Variants in LRFN2 observed in about 807,000 individuals in gnomAD.
LRFN2 encodes leucine rich repeat and fibronectin type III domain containing 2.
In LRFN2, 18 loss-of-function variants were observed where a neutral mutation model predicts 37.3. The ratio of observed to expected loss-of-function variants is 0.48; its 90% CI spans 0.33 to 0.72. The LOEUF (loss-of-function observed/expected upper bound fraction) is 0.72. Among genes scored for constraint, LRFN2 ranks in the 30% least tolerant of loss-of-function variants. The pLI, the probability that LRFN2 is intolerant of heterozygous loss-of-function variation, is 0.02. For missense variants in LRFN2, 1,006 were observed against 1,060.7 expected (o/e 0.95, Z 0.72); for synonymous variants, 556 against 466.6 (o/e 1.19, Z -2.47).
intron 1 of LRFN2, among the ~76,000 whole-genome samples, chr6:40,474,499 T>C (rs1469016316): frequency 6.6e-6 from 1 of 152,210 alleles, no homozygotes; most frequent in African/African-American, 2.4e-5. Flanking sequence ...TGTTTTGTTT[T>C]GTTTTTTTGA....
At chr6:40,530,034 T>C (rs879685308) in intron 1 of LRFN2, among the ~76,000 whole-genome samples, 1 of 152,214 alleles carries the variant, frequency 6.6e-6, no homozygotes, top group Admixed American at 6.5e-5. Flanking sequence ...TGGGTGAATG[T>C]GTTAGGTAAC....
chr6:40,556,742 C>T (rs1766895292), intron 1 of LRFN2, among the ~76,000 whole-genome samples: 1 of 148,420 alleles, frequency 6.7e-6, no homozygotes, highest in African/African-American at 2.5e-5. Context: ...CACACACACA[C>T]ACACACACAC....
chr6:40,503,959 C>CAAA (rs200287327), intron 1 of LRFN2, among the ~76,000 whole-genome samples: 4 of 118,290 alleles, frequency 3.4e-5, no homozygotes, highest in East Asian at 2.4e-4. Flanking sequence ...GGAATGGAGG[C>CAAA]AAAAAAAAAA....
At position 40,437,479 on chromosome 6, in the gene LRFN2, A is replaced by T. The variant is rs1464706821; in HGVS notation, c.-18-4348T>A. ...CAGTTGTGTCCTTGTAAATTATGTTAAACAAACCACAGTTTGAAAAAAGTT... is the reference window on the plus strand; with the variant it reads ...CAGTTGTGTCCTTGTAAATTATGTTTAACAAACCACAGTTTGAAAAAAGTT... On this transcript the variant is annotated intron_variant, in intron 1 of 2. Coordinates refer to ENST00000338305, the MANE Select transcript of LRFN2 (RefSeq NM_020737.3). Among the ~76,000 whole-genome samples the T allele has an allele frequency of 2.0e-5, 3 of 152,224 alleles. No individual in the cohort carries two copies. In the East Asian group the frequency reaches 5.8e-4, roughly 29 times the overall value.
intron 1 of LRFN2, among the ~76,000 whole-genome samples, chr6:40,543,709 G>T (rs1471180398): frequency 6.6e-6 from 1 of 152,228 alleles, no homozygotes; most frequent in Non-Finnish European, 1.5e-5. Flanking sequence ...TGCAGGCACT[G>T]GGGGCTTCCC....
chr6:40,550,286 G>A (rs1180848008), intron 1 of LRFN2, among the ~76,000 whole-genome samples: 1 of 152,168 alleles, frequency 6.6e-6, no homozygotes, highest in Non-Finnish European at 1.5e-5. Context: ...TCAGACTTAA[G>A]ACTGACTCAG....
chr6:40,422,000 G>A (rs990515681), intron 2 of LRFN2, among the ~76,000 whole-genome samples: 12 of 152,098 alleles, frequency 7.9e-5, no homozygotes, highest in African/African-American at 1.4e-4. Context: ...AAAGAGAAGG[G>A]AGATCTCAAG....
intron 2 of LRFN2, among the ~76,000 whole-genome samples, chr6:40,431,041 T>G (rs1371650592): frequency 6.6e-6 from 1 of 152,068 alleles, no homozygotes; most frequent in East Asian, 1.9e-4. Flanking sequence ...CAGCTGAACC[T>G]GAAGCAGGTT....
chr6:40,576,896 C>T (rs1363781780), intron 1 of LRFN2, among the ~76,000 whole-genome samples: 1 of 151,752 alleles, frequency 6.6e-6, no homozygotes, highest in Non-Finnish European at 1.5e-5. Flanking sequence ...TCCCATAGTC[C>T]CACACCAACC....
chr6:40,414,650 A>G (rs1763055403), intron 2 of LRFN2, among the ~76,000 whole-genome samples: 1 of 152,260 alleles, frequency 6.6e-6, no homozygotes, highest in South Asian at 2.1e-4. Flanking sequence ...GACTTGAAAC[A>G]TTAAAACATA....
intron 1 of LRFN2, among the ~76,000 whole-genome samples, chr6:40,507,357 A>G (rs574644800): frequency 6.6e-6 from 1 of 152,196 alleles, no homozygotes; most frequent in Non-Finnish European, 1.5e-5. Flanking sequence ...ACCACTGTTT[A>G]TTGAGTGCTT....
At chr6:40,546,677 A>G (rs915744711) in intron 1 of LRFN2, among the ~76,000 whole-genome samples, 17 of 152,202 alleles carry the variant, frequency 1.1e-4, no homozygotes, top group Non-Finnish European at 2.2e-4. Flanking sequence ...GAATAGCAAG[A>G]GCTTAAGTTT....
intron 1 of LRFN2, among the ~76,000 whole-genome samples, chr6:40,461,666 A>G (rs1177323486): frequency 6.6e-6 from 1 of 151,462 alleles, no homozygotes; most frequent in African/African-American, 2.4e-5. Flanking sequence ...AATAAAGTAA[A>G]CATGATATCA....
intron 1 of LRFN2, among the ~76,000 whole-genome samples, chr6:40,445,063 C>T (rs1763938419): frequency 6.6e-6 from 1 of 152,132 alleles, no homozygotes; most frequent in Non-Finnish European, 1.5e-5. Context: ...TTCAGTTAGG[C>T]TTCTGTCAAG....
At chr6:40,454,829 C>A (rs1189105843) in intron 1 of LRFN2, among the ~76,000 whole-genome samples, 1 of 152,198 alleles carries the variant, frequency 6.6e-6, no homozygotes, top group African/African-American at 2.4e-5. Context: ...ATAGCTTACC[C>A]ATATGTGAAA....
intron 1 of LRFN2, among the ~76,000 whole-genome samples, chr6:40,496,218 G>A (rs1765222251): frequency 6.6e-6 from 1 of 152,042 alleles, no homozygotes; most frequent in South Asian, 2.1e-4. Flanking sequence ...ACTACTGCCT[G>A]GTCCATGTCA....
chr6:40,430,062 T>C (rs764477002), intron 2 of LRFN2, among the ~76,000 whole-genome samples: 14 of 152,218 alleles, frequency 9.2e-5, no homozygotes, highest in Non-Finnish European at 1.8e-4. Context: ...ATGACTTTTA[T>C]AGTGAGAAAA....
At chr6:40,527,461 G>T (rs1561896434) in intron 1 of LRFN2, among the ~76,000 whole-genome samples, 3 of 152,328 alleles carry the variant, frequency 2.0e-5, no homozygotes, top group Middle Eastern at 6.8e-3. Context: ...CAAGGGGTCG[G>T]ACCAGAATTT....
intron 2 of LRFN2, among the ~76,000 whole-genome samples, chr6:40,406,426 G>C (rs74765768): frequency 7.2e-5 from 11 of 152,290 alleles, no homozygotes; most frequent in Middle Eastern, 3.4e-3. Flanking sequence ...CAGCCTGCCC[G>C]CTGATCCAGG....
Sources: allele counts gnomAD v4.1 joint callset (sites outside exome capture counted in the v4.1 genomes callset), GRCh38; gene constraint gnomAD v4.1.1; transcripts MANE v1.5; gene names NCBI Gene and HGNC (gene_info 2026-07-23, HGNC 2026-07-21).